IGSF3: variants seen among roughly 807,000 people sequenced by gnomAD.
IGSF3 encodes the protein immunoglobulin superfamily member 3.
IGSF3 carries 23 observed loss-of-function variants against 114.4 expected under a neutral mutation model. The ratio of observed to expected loss-of-function variants is 0.20; its 90% CI spans 0.14 to 0.28. The LOEUF (loss-of-function observed/expected upper bound fraction) is 0.28. IGSF3 is among the 10% of genes least tolerant of loss of function. IGSF3 has a pLI of 1.00. For synonymous variants in IGSF3, 571 were observed against 645.2 expected (o/e 0.88, Z 1.74); for missense variants, 1,172 against 1,591.5 (o/e 0.74, Z 4.48).
In IGSF3 at chr1:116,596,375, A is replaced by C. The variant is rs1372827054; in HGVS notation, c.2029+3566T>G. The stretch of plus-strand genomic sequence containing the variant: ...GCTAAGAATCTATGTTTTGAGGGGC[A>C]AGGTACGCAGGGAGAGCAAAAGAAG... On this transcript the variant is annotated intron_variant, in intron 7 of 10. Coordinates refer to ENST00000369486, the MANE Select transcript of IGSF3 (RefSeq NM_001007237.3). The surrounding 1 kb of genome is among the most constrained non-coding windows in gnomAD (Gnocchi z 4.1). Among the ~76,000 whole-genome samples the C allele has an allele frequency of 6.6e-6, 1 of 152,230 alleles. No individual in the cohort carries two copies. The highest frequency in any genetic ancestry group is 2.4e-5 in the African/African-American group (1 of 41,464).
At chr1:116,597,771 A>G (rs1489425546) in intron 7 of IGSF3, among the ~76,000 whole-genome samples, 1 of 152,328 alleles carries the variant, frequency 6.6e-6, no homozygotes, top group South Asian at 2.1e-4. Flanking sequence ...CATTTGCTCT[A>G]TGGAAGTCAG....
In IGSF3 at chr1:116,664,525, C is replaced by T. The variant is rs950968805; in HGVS notation, c.43+1759G>A. 4.6e-5 allele frequency among the ~76,000 whole-genome samples: 7 copies of T among 152,226 alleles called. No homozygotes were observed. The highest frequency in any genetic ancestry group is 3.9e-4 in the Admixed American group (6 of 15,282). ...CCCTCTTTCCCGCCTTAGCCACACACCCCACCCCACATCCAAACCTCCCCA... is the reference window on the plus strand; with the variant it reads ...CCCTCTTTCCCGCCTTAGCCACACATCCCACCCCACATCCAAACCTCCCCA... On this transcript the variant is annotated intron_variant, in intron 2 of 10. Transcript: ENST00000369486. This position sits in a 1 kb window ranked among gnomAD's most constrained non-coding sequence, Gnocchi z 4.6.
chr1:116,580,371 G>T (rs1232294852), intron 9 of IGSF3, among the ~76,000 whole-genome samples: 1 of 152,224 alleles, frequency 6.6e-6, no homozygotes, highest in Non-Finnish European at 1.5e-5. Flanking sequence ...AAATCCAGTG[G>T]CTGGTGCTAT....
At chr1:116,645,349 GAGGCAGGAAAGGGGCTGGTAGCAAGA>G (rs2101060931) in intron 2 of IGSF3, among the ~76,000 whole-genome samples, 1 of 152,366 alleles carries the variant, frequency 6.6e-6, no homozygotes, top group Admixed American at 6.5e-5. Flanking sequence ...TGGGGTCCTG[GAGGCAGGAAAGGGGCTGGTAGCAAGA>G]AGGCACAAGG....
Position 116,627,172 on chromosome 1 carries a change from T to A in IGSF3, c.44-10715A>T, listed in dbSNP as rs951697511. 5.3e-5 allele frequency among the ~76,000 whole-genome samples: 8 copies of A among 152,120 alleles called. No individual in the cohort carries two copies. The highest frequency in any genetic ancestry group is 1.9e-4 in the African/African-American group (8 of 41,418). ...AAAGAGGGCAGCTTCGTGGCAACAC[T>A]CCCTCTGAGAAGTCCAGAGGCTCAG... On this transcript the variant is annotated intron_variant, in intron 2 of 10. Transcript: ENST00000369486. This position sits in a 1 kb window ranked among gnomAD's most constrained non-coding sequence, Gnocchi z 4.7.
chr1:116,613,053 T>C (rs935589662), intron 4 of IGSF3, among the ~76,000 whole-genome samples: 1 of 152,172 alleles, frequency 6.6e-6, no homozygotes, highest in Non-Finnish European at 1.5e-5. Context: ...AGAAAACATC[T>C]ACAGTGGAAC....
rs2336423 is a variant in IGSF3 at position 116,593,367 on chromosome 1, C to G, written c.2030-4263G>C. On this transcript the variant is annotated intron_variant, in intron 7 of 10. Coordinates refer to ENST00000369486, the MANE Select transcript of IGSF3 (RefSeq NM_001007237.3). This position sits in a 1 kb window ranked among gnomAD's most constrained non-coding sequence, Gnocchi z 4.5. ...GCTGTGAGCAGCAGCCAGAGTGGCA[C>G]GTGCAAAGAGATGGGCACTGAGGGA... Among the ~76,000 whole-genome samples, 1 of 152,164 alleles carries G rather than the reference C, an allele frequency of 6.6e-6. No individual in the cohort carries two copies. Among genetic ancestry groups the G allele is most frequent in the South Asian group, 2.1e-4 (1 of 4,826 alleles).
Position 116,610,048 on chromosome 1 carries a change from A to G in IGSF3, c.833-1717T>C, listed in dbSNP as rs1369312646. Reference sequence around the variant, plus strand: ...CCCCTCCAATGAAGTAGCTGCTGTCACAGCTTCTAGCTCCCAAGAGACCAG... The same window carrying G: ...CCCCTCCAATGAAGTAGCTGCTGTCGCAGCTTCTAGCTCCCAAGAGACCAG... On this transcript the variant is annotated intron_variant, in intron 4 of 10. Coordinates refer to ENST00000369486, the MANE Select transcript of IGSF3 (RefSeq NM_001007237.3). This position sits in a 1 kb window ranked among gnomAD's most constrained non-coding sequence, Gnocchi z 4.3. 3.9e-5 allele frequency among the ~76,000 whole-genome samples: 6 copies of G among 152,118 alleles called. No individual in the cohort carries two copies. The highest frequency in any genetic ancestry group is 7.4e-5 in the Non-Finnish European group (5 of 68,022).
chr1:116,623,889 C>A (rs1661493265), intron 2 of IGSF3, among the ~76,000 whole-genome samples: 1 of 150,956 alleles, frequency 6.6e-6, no homozygotes, highest in Non-Finnish European at 1.5e-5. Flanking sequence ...AGTTCGAGAC[C>A]AGCCTGGCCA....
At chr1:116,656,565 C>A (rs1235229105) in intron 2 of IGSF3, among the ~76,000 whole-genome samples, 1 of 152,010 alleles carries the variant, frequency 6.6e-6, no homozygotes, top group African/African-American at 2.4e-5. Context: ...GCTGGGATTA[C>A]AGGCGTGACT....
At chr1:116,663,140 G>C (rs1649181835) in intron 2 of IGSF3, among the ~76,000 whole-genome samples, 1 of 152,158 alleles carries the variant, frequency 6.6e-6, no homozygotes. Context: ...ATCAGCACTG[G>C]TCTGGGAGGT....
rs533930141 is a variant in IGSF3, at chr1:116,624,559, C to A, written c.44-8102G>T. On this transcript the variant is annotated intron_variant, in intron 2 of 10. Transcript: ENST00000369486. The surrounding 1 kb of genome is among the most constrained non-coding windows in gnomAD (Gnocchi z 4.9). ...TTAACTCTAGCTGTGGAACTAATTT[C>A]TCCCACACACCGTGGCAGGTTGTAT... Among the ~76,000 whole-genome samples, 34 of 152,354 alleles carry A rather than the reference C, an allele frequency of 2.2e-4. No homozygotes were observed. The highest frequency in any genetic ancestry group is 1.2e-3 in the Admixed American group (18 of 15,302).
chr1:116,649,190 T>C lies in IGSF3; in HGVS notation c.43+17094A>G, dbSNP rs1449618748. Among the ~76,000 whole-genome samples, 1 of 152,218 alleles carries C rather than the reference T, an allele frequency of 6.6e-6. No homozygotes were observed. Among genetic ancestry groups the C allele is most frequent in the Non-Finnish European group, 1.5e-5 (1 of 68,032 alleles). ...GCCCTCCCCGTCTTGGCAGCCACAC[T>C]TTCTGGCCCTAGCCCAAGGCTGCTG... On this transcript the variant is annotated intron_variant, in intron 2 of 10. Coordinates refer to ENST00000369486, the MANE Select transcript of IGSF3 (RefSeq NM_001007237.3). The surrounding 1 kb of genome is among the most constrained non-coding windows in gnomAD (Gnocchi z 4.5).
Position 116,625,785 on chromosome 1 carries a change from G to A in IGSF3, c.44-9328C>T, listed in dbSNP as rs555455307. On this transcript the variant is annotated intron_variant, in intron 2 of 10. Transcript: ENST00000369486. This position sits in a 1 kb window ranked among gnomAD's most constrained non-coding sequence, Gnocchi z 4.7. Reference sequence around the variant, plus strand: ...CCCAGTGGTACCTAAAATAGAGCTGGTCTAAAGATGATGATTAATGAATGT... The same window carrying A: ...CCCAGTGGTACCTAAAATAGAGCTGATCTAAAGATGATGATTAATGAATGT... Among the ~76,000 whole-genome samples, 292 of 152,250 alleles carry A rather than the reference G, an allele frequency of 1.9e-3. 1 individual carries two copies. The highest frequency in any genetic ancestry group is 5.9e-3 in the Admixed American group (90 of 15,288).
chr1:116,653,683 G>A (rs1004472804), intron 2 of IGSF3, among the ~76,000 whole-genome samples: 1 of 152,066 alleles, frequency 6.6e-6, no homozygotes, highest in Non-Finnish European at 1.5e-5. Context: ...TTCCCTCTAG[G>A]ACAATTCACC....
At position 116,598,968 on chromosome 1, in the gene IGSF3, T is replaced by C. The variant is rs1660456783; in HGVS notation, c.2029+973A>G. 6.6e-6 allele frequency among the ~76,000 whole-genome samples: 1 copy of C among 152,188 alleles called. No individual in the cohort carries two copies. Among genetic ancestry groups the C allele is most frequent in the Non-Finnish European group, 1.5e-5 (1 of 68,036 alleles). On this transcript the variant is annotated intron_variant, in intron 7 of 10. Transcript: ENST00000369486. This position sits in a 1 kb window ranked among gnomAD's most constrained non-coding sequence, Gnocchi z 4.3. The stretch of plus-strand genomic sequence containing the variant: ...AATTAATGCATCCTTATGATCCGCT[T>C]TGAGACAGACTCAGCCTCCATAGAG...
chr1:116,655,660 T>C lies in IGSF3; in HGVS notation c.43+10624A>G, dbSNP rs1464978705. On this transcript the variant is annotated intron_variant, in intron 2 of 10. Coordinates refer to ENST00000369486, the MANE Select transcript of IGSF3 (RefSeq NM_001007237.3). The surrounding 1 kb of genome is among the most constrained non-coding windows in gnomAD (Gnocchi z 4.3). ...TCTATCTGGAGGAGTCACTTGGGAA[T>C]TGAAAACACACGAAAACTTTTTTTC... Among the ~76,000 whole-genome samples, 2 of 152,186 alleles carry C rather than the reference T, an allele frequency of 1.3e-5. No individual in the cohort carries two copies. The highest frequency in any genetic ancestry group is 2.9e-5 in the Non-Finnish European group (2 of 68,038).
rs552676052 is a variant in IGSF3 at position 116,661,856 on chromosome 1, T to C, written c.43+4428A>G. On this transcript the variant is annotated intron_variant, in intron 2 of 10. Coordinates refer to ENST00000369486, the MANE Select transcript of IGSF3 (RefSeq NM_001007237.3). This position sits in a 1 kb window ranked among gnomAD's most constrained non-coding sequence, Gnocchi z 4.0. ...GGTCACATGACTAGGTTCTAGCCAA[T>C]GAGAATGTTAGTGGAAGTGATGTAT... Among the ~76,000 whole-genome samples the C allele has an allele frequency of 6.6e-6, 1 of 152,290 alleles. No homozygotes were observed. Among genetic ancestry groups the C allele is most frequent in the African/African-American group, 2.4e-5 (1 of 41,560 alleles).
At chr1:116,626,964 A>C (rs906804424) in intron 2 of IGSF3, among the ~76,000 whole-genome samples, 2 of 152,182 alleles carry the variant, frequency 1.3e-5, no homozygotes, top group African/African-American at 2.4e-5. Flanking sequence ...ATCTAATAGA[A>C]ATGCTTATAA....
Sources: allele counts gnomAD v4.1 joint callset (sites outside exome capture counted in the v4.1 genomes callset), GRCh38; gene constraint gnomAD v4.1.1; non-coding constraint Gnocchi (gnomAD v3.1); transcripts MANE v1.5; gene names NCBI Gene and HGNC (gene_info 2026-07-23, HGNC 2026-07-21).